KPNA7: variants seen among roughly 807,000 people sequenced by gnomAD.
The protein encoded by KPNA7 is importin subunit alpha-8.
KPNA7 carries 54 observed loss-of-function variants against 53.7 expected under a neutral mutation model. The ratio of observed to expected loss-of-function variants is 1.01; its 90% confidence interval spans 0.81 to 1.26. KPNA7 has a LOEUF of 1.26. Among genes scored for constraint, KPNA7 ranks in the 50% most tolerant of loss-of-function variants. The probability of loss-of-function intolerance (pLI) is 0.00; values close to 1 mark genes in which losing one functional copy is unlikely to be tolerated. For missense variants in KPNA7, 640 were observed against 644.5 expected (o/e 0.99, Z 0.07); for synonymous variants, 276 against 259.3 (o/e 1.06, Z -0.62).
At chr7:99,214,310 GC>G (rs1317061111) in intron 1 of KPNA7, among the ~76,000 whole-genome samples, 1 of 151,672 alleles carries the variant, frequency 6.6e-6, no homozygotes, top group Non-Finnish European at 1.5e-5. Context: ...AGGGATGGTG[GC>G]ATGTGCCTGT....
chr7:99,190,668 T>TTTG (rs1789900471), intron 6 of KPNA7, among the ~76,000 whole-genome samples: 2 of 150,250 alleles, frequency 1.3e-5, no homozygotes, highest in South Asian at 4.2e-4. Flanking sequence ...TTTTTTTTTT[T>TTTG]GGGGGGAGAC....
chr7:99,146,604 C>T, the KPNA7 span, among the ~76,000 whole-genome samples: 1 of 150,966 alleles, frequency 6.6e-6, no homozygotes, highest in East Asian at 2.0e-4. Context: ...CCCAGCTACT[C>T]GGGAGGCTGA....
intron 3 of KPNA7, among the ~76,000 whole-genome samples, 197 bp from the exon 4 acceptor site, chr7:99,196,363 G>T (rs577290530): frequency 2.4e-3 from 358 of 152,198 alleles, no homozygotes; most frequent in African/African-American, 8.1e-3. Flanking sequence ...CCATGCTTAG[G>T]GGAGAAGTAA....
At chr7:99,167,575 A>G in the KPNA7 span, among the ~76,000 whole-genome samples, 20 of 145,388 alleles carry the variant, frequency 1.4e-4, no homozygotes, top group Admixed American at 2.8e-4. Flanking sequence ...GCCTCAGCCT[A>G]AGTAGCTGGG....
intron 10 of KPNA7, 129 bp downstream of exon 10, chr7:99,177,791 T>C: frequency 1.2e-6 from 1 of 840,930 alleles, no homozygotes; most frequent in Non-Finnish European, 1.8e-6. Flanking sequence ...TCAGAGGATG[T>C]GGCAGGAGTG....
At chr7:99,179,710 G>T (rs971035393) in intron 9 of KPNA7, among the ~76,000 whole-genome samples, 1 of 151,398 alleles carries the variant, frequency 6.6e-6, no homozygotes, top group South Asian at 2.1e-4. Context: ...TCAGCCTCCC[G>T]AGTAGCTGGG....
chr7:99,148,118 CTTCCT>C, the KPNA7 span, among the ~76,000 whole-genome samples: 4 of 152,170 alleles, frequency 2.6e-5, no homozygotes, highest in East Asian at 7.7e-4. Context: ...ATCATCTTCC[CTTCCT>C]TTCATCATGT....
chr7:99,165,676 T>C, the KPNA7 span, among the ~76,000 whole-genome samples: 1 of 152,344 alleles, frequency 6.6e-6, no homozygotes, highest in African/African-American at 2.4e-5. Context: ...CATGATGTTT[T>C]GGTGTGACAC....
the KPNA7 span, among the ~76,000 whole-genome samples, chr7:99,161,243 CTCTCTCTCTCTCTCTCT>C: frequency 1.2e-3 from 13 of 10,600 alleles, no homozygotes; most frequent in African/African-American, 1.6e-3. Flanking sequence ...CTCTCTCTCT[CTCTCTCTCTCTCTCTCT>C]CTCTCTCTCT....
chr7:99,166,982 T>G, the KPNA7 span, among the ~76,000 whole-genome samples: 2 of 152,178 alleles, frequency 1.3e-5, no homozygotes, highest in Non-Finnish European at 2.9e-5. Context: ...CATTCACAGG[T>G]GTTATATGAA....
At position 99,180,555 on chromosome 7, in the gene KPNA7, C is replaced by CTCCGTCTGTCTCCG. The variant is rs77356061; in HGVS notation, c.1317+1327_1317+1328insCGGAGACAGACGGA. 1.5e-3 allele frequency among the ~76,000 whole-genome samples: 207 copies of CTCCGTCTGTCTCCG among 141,630 alleles called. 9 individuals are homozygous for CTCCGTCTGTCTCCG. Among genetic ancestry groups the CTCCGTCTGTCTCCG allele is most frequent in the South Asian group, 4.8e-3 (20 of 4,174 alleles). The allele number at this position is 141,630 out of a possible 152,430, so 92.9% of individuals were successfully genotyped here. On this transcript the variant is annotated intron_variant, in intron 9 of 10. Coordinates refer to ENST00000327442, the MANE Select transcript of KPNA7 (RefSeq NM_001145715.3). ...TCTGTCTCCGTCTGTCTCCGTCTGT[C>CTCCGTCTGTCTCCG]TCTGTCTCTGTCCATCTGTCTCTGT...
intron 2 of KPNA7, among the ~76,000 whole-genome samples, chr7:99,206,598 A>ATCTG (rs1051834108): frequency 3.3e-5 from 5 of 152,230 alleles, no homozygotes; most frequent in African/African-American, 1.2e-4. Flanking sequence ...CCACCAGAGT[A>ATCTG]TCTGAGACTA....
chr7:99,184,251 C>T (rs1789453640), intron 8 of KPNA7, among the ~76,000 whole-genome samples: 2 of 149,462 alleles, frequency 1.3e-5, no homozygotes, highest in Admixed American at 1.4e-4. Context: ...ACCTCCCGGG[C>T]TCAATTGATC....
At position 99,173,653 on chromosome 7, in the gene KPNA7, T is replaced by A. The variant is rs1473298749; in HGVS notation, c.*55A>T. 8.8e-7 allele frequency: 1 copy of A among 1,142,614 alleles called. No homozygotes were observed. The highest frequency in any genetic ancestry group is 1.3e-6 in the Non-Finnish European group (1 of 784,488). 70.8% of individuals were successfully genotyped at this position (1,142,614 alleles called of 1,614,324 possible). A position where few individuals can be genotyped will look rare whatever the true frequency, so the allele number is the denominator to read the frequency against. On this transcript the variant is annotated 3_prime_UTR_variant, in exon 11 of 11. Coordinates refer to ENST00000327442, the MANE Select transcript of KPNA7 (RefSeq NM_001145715.3). Reference sequence around the variant, plus strand: ...CACTAAGATAGAGGACTGCTGCTTCTTAAAGAAGTTATCCTTTAGCACTGG... The same window carrying A: ...CACTAAGATAGAGGACTGCTGCTTCATAAAGAAGTTATCCTTTAGCACTGG...
the KPNA7 span, among the ~76,000 whole-genome samples, chr7:99,164,018 G>A: frequency 2.0e-5 from 3 of 151,694 alleles, no homozygotes; most frequent in East Asian, 5.8e-4. Context: ...GGAGAAATAG[G>A]AACACTTTTA....
At chr7:99,214,037 C>G (rs775419890) in intron 1 of KPNA7, among the ~76,000 whole-genome samples, 1 of 152,092 alleles carries the variant, frequency 6.6e-6, no homozygotes. Context: ...CCCAAAGTTC[C>G]CATAACTGTG....
At chr7:99,207,344 C>A in intron 2 of KPNA7, 57 bp downstream of exon 2, 1 of 1,481,578 alleles carries the variant, frequency 6.7e-7, no homozygotes, top group South Asian at 1.2e-5. Context: ...CTTCACCCCG[C>A]TTTTTATGCA....
the KPNA7 span, among the ~76,000 whole-genome samples, chr7:99,155,258 C>G: frequency 6.6e-6 from 1 of 151,956 alleles, no homozygotes; most frequent in African/African-American, 2.4e-5. Flanking sequence ...GCTTATGATC[C>G]CCTCCATGTT....
the KPNA7 span, among the ~76,000 whole-genome samples, chr7:99,148,160 C>T: frequency 6.6e-6 from 1 of 152,200 alleles, no homozygotes; most frequent in Non-Finnish European, 1.5e-5. Context: ...ATACAATCTT[C>T]TAAAGCTATC....
Sources: gnomAD v4.1 joint callset for allele counts (sites outside exome capture counted in the v4.1 genomes callset) on GRCh38, gnomAD v4.1.1 for gene constraint, MANE v1.5 for transcripts, NCBI Gene and HGNC (gene_info 2026-07-23, HGNC 2026-07-21) for gene names.